Variants in PKHD1 observed in about 807,000 individuals in gnomAD.
PKHD1 encodes the protein PKHD1 ciliary IPT domain containing fibrocystin/polyductin, also known as fibrocystin.
Under a neutral mutation model 412.0 loss-of-function variants are expected in PKHD1, and 291 were observed. That is an observed-to-expected ratio of 0.71 (90% CI 0.64 to 0.78). PKHD1 has a LOEUF of 0.78. PKHD1 is among the 30% of genes least tolerant of loss of function. The pLI is 0.00. For synonymous variants in PKHD1, 1,777 were observed against 1,821.5 expected (o/e 0.98, Z 0.62); for missense variants, 4,825 against 4,950.7 (o/e 0.97, Z 0.76).
intron 55 of PKHD1, among the ~76,000 whole-genome samples, chr6:51,769,515 A>G (rs1789693088): frequency 6.6e-6 from 1 of 151,424 alleles, no homozygotes; most frequent in Admixed American, 6.6e-5. Context: ...CTCATTTTAT[A>G]TATTGGGGTT....
chr6:51,778,714 A>G (rs1169394016), intron 53 of PKHD1, among the ~76,000 whole-genome samples: 3 of 152,126 alleles, frequency 2.0e-5, no homozygotes, highest in African/African-American at 7.2e-5. Flanking sequence ...TCAAAAGGTA[A>G]GAATAAGAAA....
chr6:51,741,303 C>A, intron 60 of PKHD1: 3 of 464,988 alleles, frequency 6.5e-6, no homozygotes, highest in South Asian at 4.8e-5. Flanking sequence ...TGGCACTCAC[C>A]TTCATACACC....
chr6:51,680,916 C>A (rs1776569763), intron 60 of PKHD1, among the ~76,000 whole-genome samples: 1 of 151,834 alleles, frequency 6.6e-6, no homozygotes, highest in Non-Finnish European at 1.5e-5. Context: ...CTTTATAAGA[C>A]AATGAAGAAC....
chr6:51,947,258 C>G (rs1789603534), intron 36 of PKHD1, among the ~76,000 whole-genome samples: 1 of 152,198 alleles, frequency 6.6e-6, no homozygotes, highest in African/African-American at 2.4e-5. Flanking sequence ...CTCACTTGCC[C>G]AGCCTCTTTG....
At chr6:51,645,695 A>C (rs1451378129) in intron 63 of PKHD1, among the ~76,000 whole-genome samples, 1 of 152,198 alleles carries the variant, frequency 6.6e-6, no homozygotes, top group Non-Finnish European at 1.5e-5. Context: ...TCCCAGCCTG[A>C]AAACATTATT....
intron 52 of PKHD1, among the ~76,000 whole-genome samples, chr6:51,830,029 C>T (rs1425137913): frequency 1.3e-5 from 2 of 152,036 alleles, no homozygotes; most frequent in African/African-American, 4.8e-5. Context: ...AAACAGTTCC[C>T]GGCACATTGT....
Position 51,936,241 on chromosome 6 carries a change from A to C in PKHD1, c.5909-1919T>G, listed in dbSNP as rs1011539817. ...CCTCTATTTCCTTATATACAAACAC[A>C]CACACACTCTCCCATTTTCTCAGAA... On this transcript the variant is annotated intron_variant, in intron 36 of 66. Coordinates refer to ENST00000371117, the MANE Select transcript of PKHD1 (RefSeq NM_138694.4). Among the ~76,000 whole-genome samples, 3 of 152,162 alleles carry C rather than the reference A, an allele frequency of 2.0e-5. No individual in the cohort carries two copies. In the South Asian group the frequency reaches 6.2e-4, roughly 32 times the overall value.
At position 51,848,720 on chromosome 6, in the gene PKHD1, G is replaced by A. The variant is rs569281900; in HGVS notation, c.7912-750C>T. On this transcript the variant is annotated intron_variant, in intron 49 of 66. Transcript: ENST00000371117. ...AGAAGATCAAAAGTGATTCTGTTCT[G>A]AATTCCTCATGACCATGGCAGGGCT... Among the ~76,000 whole-genome samples the A allele has an allele frequency of 2.6e-5, 4 of 152,258 alleles. No individual in the cohort carries two copies. In the East Asian group the frequency reaches 7.7e-4, roughly 29 times the overall value.
chr6:51,883,243 T>C lies in PKHD1; in HGVS notation c.7216-16A>G, dbSNP rs762754491. On this transcript the variant is annotated splice_polypyrimidine_tract_variant and intron_variant, in intron 45 of 66. Transcript: ENST00000371117. ...TTCTAAAAATCTATAAAATACAGCA[T>C]GTTACAGCAAAGGTCTGAGGCTTGG... The C allele has an allele frequency of 6.2e-6, 10 of 1,612,036 alleles. No individual in the cohort carries two copies. In the Admixed American group the frequency reaches 1.2e-4, roughly 19 times the overall value.
chr6:51,645,586 G>A lies in PKHD1; in HGVS notation c.11398+2445C>T, dbSNP rs150368555. Among the ~76,000 whole-genome samples, 1,161 of 152,106 alleles carry A rather than the reference G, an allele frequency of 7.6e-3. 10 individuals are homozygous for A. Among genetic ancestry groups the A allele is most frequent in the Non-Finnish European group, 0.013 (905 of 68,004 alleles). On this transcript the variant is annotated intron_variant, in intron 63 of 66. Transcript: ENST00000371117. The stretch of plus-strand genomic sequence containing the variant: ...TTTTTGCATTTTTAGTAGAGACGGC[G>A]TTTCACCATGTTGGCCAGGCTGGTC...
Position 51,619,176 on chromosome 6 carries a change from A to G in PKHD1, c.12130T>C (p.Leu4044=), listed in dbSNP as rs1334083093. ...QSRLSKQSGS[L]GLSQEKKASC... ...GCTTTCTTCTCTTGGGAAAGCCCCA[A>G]GCTGCCACTTTGCTTACTCAGCCGA... is the stretch of plus-strand genomic sequence containing the variant. Residue 4044 remains leucine (L), a synonymous_variant, in exon 67 of 67, where the codon TTG becomes CTG. Coordinates refer to ENST00000371117, the MANE Select transcript of PKHD1 (RefSeq NM_138694.4). 1.2e-6 allele frequency: 2 copies of G among 1,614,126 alleles called. No individual in the cohort carries two copies. The highest frequency in any genetic ancestry group is 1.7e-6 in the Non-Finnish European group (2 of 1,180,050).
intron 36 of PKHD1, among the ~76,000 whole-genome samples, chr6:51,939,129 C>T (rs1788023759): frequency 6.6e-6 from 1 of 151,440 alleles, no homozygotes. Flanking sequence ...TCACCCTTAG[C>T]AGCAAGTACT....
rs115814246 is a variant in PKHD1 at position 51,774,249 on chromosome 6, C to T, written c.8555-1460G>A. On this transcript the variant is annotated intron_variant, in intron 54 of 66. Transcript: ENST00000371117. Reference sequence around the variant, plus strand: ...CAAGAAGATTACAAATGATTTAATACGATTAAAATTTGTCATCTACTTATG... The same window carrying T: ...CAAGAAGATTACAAATGATTTAATATGATTAAAATTTGTCATCTACTTATG... Among the ~76,000 whole-genome samples the T allele has an allele frequency of 3.9e-3, 590 of 151,976 alleles. 7 individuals carry two copies. The highest frequency in any genetic ancestry group is 0.013 in the African/African-American group (545 of 41,510).
rs775449065 is a variant in PKHD1, at chr6:51,649,074, T to C, written c.11310+11A>G. 3.7e-6 allele frequency: 6 copies of C among 1,613,042 alleles called. No individual in the cohort carries two copies. In the South Asian group the frequency reaches 6.6e-5, roughly 18 times the overall value. On this transcript the variant is annotated intron_variant, in intron 62 of 66. Coordinates refer to ENST00000371117, the MANE Select transcript of PKHD1 (RefSeq NM_138694.4). ...GCTCTAAAGACAGATTTGTTACCTG[T>C]GAAAAGTTACCTGCTCATCCAAAAA...
At chr6:51,810,514 G>T (rs1200978585) in intron 52 of PKHD1, among the ~76,000 whole-genome samples, 1 of 152,016 alleles carries the variant, frequency 6.6e-6, no homozygotes, top group African/African-American at 2.4e-5. Flanking sequence ...CTTGTGATTG[G>T]GAACCATAAT....
At chr6:51,848,274 T>C (rs1771575603) in intron 49 of PKHD1, among the ~76,000 whole-genome samples, 1 of 152,122 alleles carries the variant, frequency 6.6e-6, no homozygotes, top group Non-Finnish European at 1.5e-5. Context: ...GACATATGAA[T>C]TGACACGTCT....
intron 21 of PKHD1, among the ~76,000 whole-genome samples, chr6:52,051,909 A>G (rs1806908732): frequency 7.3e-6 from 1 of 136,934 alleles, no homozygotes; most frequent in Admixed American, 7.8e-5. Context: ...AGTGTGCCAG[A>G]GCACAAACAG....
intron 50 of PKHD1, among the ~76,000 whole-genome samples, chr6:51,842,264 G>A (rs144407014): frequency 6.6e-6 from 1 of 152,244 alleles, no homozygotes; most frequent in East Asian, 1.9e-4. Context: ...CATGAGTGGG[G>A]GCTGTGTGAA....
Position 51,755,174 on chromosome 6 carries a change from A to G in PKHD1, c.8643-236T>C, listed in dbSNP as rs9382006. On this transcript the variant is annotated intron_variant, in intron 55 of 66. Transcript: ENST00000371117. ...ACAGAGACAGTGAAGATATTCGATG[A>G]CCCCTGAAATACAGCAAAGGAATAA... Among the ~76,000 whole-genome samples, 48,631 of 152,050 alleles carry G rather than the reference A, an allele frequency of 0.32. 9,655 individuals carry two copies. Among genetic ancestry groups the G allele is most frequent in the East Asian group, 0.69 (3,576 of 5,150 alleles).
Sources: allele counts gnomAD v4.1 joint callset (sites outside exome capture counted in the v4.1 genomes callset), GRCh38; gene constraint gnomAD v4.1.1; transcripts MANE v1.5; gene names NCBI Gene and HGNC (gene_info 2026-07-23, HGNC 2026-07-21).